ADGB: variants seen among roughly 807,000 people sequenced by gnomAD.
ADGB encodes androglobin, also known as calpain-7-like protein.
ADGB carries 172 observed loss-of-function variants against 210.5 expected under a neutral mutation model. That is an observed-to-expected ratio of 0.82 (90% CI 0.72 to 0.93). The LOEUF (loss-of-function observed/expected upper bound fraction) is 0.93. Among genes scored for constraint, ADGB ranks in the 40% least tolerant of loss-of-function variants. The pLI is 0.00. For synonymous variants in ADGB, 658 were observed against 662.7 expected, an observed-to-expected ratio of 0.99 and a Z score of 0.11; for missense variants, 2,025 against 1,964.8, an observed-to-expected ratio of 1.03 and a Z score of -0.58.
Position 146,691,175 on chromosome 6 carries a change from G to T in ADGB, c.1371G>T (p.Val457=). The part of the protein sequence containing the change: ...YGLSHICSHP[V]LVTRSRSCPL... ...TTTCCCACATCTGTAGCCATCCTGT[G>T]CTGGTGACTAGAAGTAGGTCTTGTC... Residue 457 remains valine, a synonymous_variant, in exon 11 of 36, where the codon GTG becomes GTT. Coordinates refer to ENST00000397944, the MANE Select transcript of ADGB (RefSeq NM_024694.4). 2 of 1,549,632 alleles carry T rather than the reference G, an allele frequency of 1.3e-6. No homozygotes were observed. The highest frequency in any genetic ancestry group is 1.7e-6 in the Non-Finnish European group (2 of 1,146,290).
chr6:146,721,490 T>TG lies in ADGB; in HGVS notation c.2086dup (p.Glu696GlyfsTer20). The TG allele has an allele frequency of 6.5e-7, 1 of 1,547,344 alleles. No individual in the cohort carries two copies. The highest frequency in any genetic ancestry group is 8.7e-7 in the Non-Finnish European group (1 of 1,143,256). ...GGTTTGCTTTTCTGCATTGGTACGC[T>TG]GGGGGGAGTATGGAGGTAAGAGGGC... On this transcript the variant is annotated frameshift_variant, in exon 17 of 36. Coordinates refer to ENST00000397944, the MANE Select transcript of ADGB (RefSeq NM_024694.4). LOFTEE classifies it high-confidence loss of function.
At chr6:146,710,109 C>A (rs1776639013) in intron 13 of ADGB, among the ~76,000 whole-genome samples, 1 of 150,466 alleles carries the variant, frequency 6.6e-6, no homozygotes, top group Non-Finnish European at 1.5e-5. Context: ...ATATAGAAAT[C>A]TCAATCATAT....
intron 12 of ADGB, among the ~76,000 whole-genome samples, chr6:146,700,456 A>G (rs1178869060): frequency 2.0e-5 from 3 of 152,186 alleles, no homozygotes; most frequent in African/African-American, 4.8e-5. Flanking sequence ...ACGTACCTAT[A>G]AAATTCTAGC....
intron 33 of ADGB, among the ~76,000 whole-genome samples, chr6:146,788,939 G>A (rs1429093483): frequency 6.6e-6 from 1 of 152,092 alleles, no homozygotes; most frequent in East Asian, 1.9e-4. Flanking sequence ...AGATTTTTTT[G>A]TGTTATCTGT....
intron 27 of ADGB, among the ~76,000 whole-genome samples, chr6:146,754,160 TTCCAATG>T (rs1777366207): frequency 6.6e-6 from 1 of 151,354 alleles, no homozygotes; most frequent in Admixed American, 6.6e-5. Flanking sequence ...CATTTAGTAT[TTCCAATG>T]TATCTGCATA....
chr6:146,635,233 C>T, intron 1 of ADGB, 142 bp from the exon 2 acceptor site: 2 of 700,580 alleles, frequency 2.9e-6, no homozygotes, highest in Admixed American at 4.3e-5. Flanking sequence ...GTAGAAGTTG[C>T]CTAGCCACAA....
intron 12 of ADGB, among the ~76,000 whole-genome samples, chr6:146,700,445 T>C (rs1776474126): frequency 6.6e-6 from 1 of 152,212 alleles, no homozygotes; most frequent in Non-Finnish European, 1.5e-5. Context: ...AAAATGTCTT[T>C]ACGTACCTAT....
rs544326163 is a variant in ADGB at position 146,693,235 on chromosome 6, C to A, written c.1577+320C>A. ...TTTGGAGGTAAAGCCTCTAAGCAAG[C>A]AATTAAGGTGAAATGAGTGATAAGG... is the stretch of plus-strand genomic sequence containing the variant. On this transcript the variant is annotated intron_variant, in intron 12 of 35. Transcript: ENST00000397944. 8.0e-4 allele frequency among the ~76,000 whole-genome samples: 122 copies of A among 152,162 alleles called. 1 individual carries two copies. The South Asian group carries it at 0.024, about 31-fold the overall frequency.
intron 20 of ADGB, among the ~76,000 whole-genome samples, chr6:146,732,717 A>T (rs1204102057): frequency 6.6e-6 from 1 of 152,222 alleles, no homozygotes; most frequent in African/African-American, 2.4e-5. Flanking sequence ...AAAAACTCTA[A>T]GAAACATATT....
intron 35 of ADGB, among the ~76,000 whole-genome samples, chr6:146,806,409 C>T (rs1778213097): frequency 1.3e-5 from 2 of 152,188 alleles, no homozygotes; most frequent in South Asian, 4.1e-4. Flanking sequence ...CTCTCCTGCT[C>T]ATTCTCTTGC....
chr6:146,634,709 A>G (rs891773540), intron 1 of ADGB, among the ~76,000 whole-genome samples: 3 of 152,066 alleles, frequency 2.0e-5, no homozygotes, highest in African/African-American at 7.2e-5. Context: ...CCTCATTAAA[A>G]TCTATCGTAA....
chr6:146,714,675 C>T (rs1003875973), intron 13 of ADGB, among the ~76,000 whole-genome samples: 3 of 152,134 alleles, frequency 2.0e-5, no homozygotes, highest in Non-Finnish European at 2.9e-5. Flanking sequence ...GTTTTAAGCC[C>T]ATGTCTCATT....
At chr6:146,713,730 C>G (rs1776691256) in intron 13 of ADGB, among the ~76,000 whole-genome samples, 1 of 152,016 alleles carries the variant, frequency 6.6e-6, no homozygotes. Flanking sequence ...CTTTGATGTA[C>G]AGAAGTTTTC....
chr6:146,716,947 AAG>A lies in ADGB; in HGVS notation c.1812_1813del (p.Glu604AspfsTer21). 2 of 1,551,598 alleles carry A rather than the reference AAG, an allele frequency of 1.3e-6. No homozygotes were observed. Among genetic ancestry groups the A allele is most frequent in the Non-Finnish European group, 1.7e-6 (2 of 1,146,924 alleles). On this transcript the variant is annotated frameshift_variant, in exon 15 of 36. Transcript: ENST00000397944. LOFTEE classifies it high-confidence loss of function. ...ATCAGAGTGATGGATTAAACTTGGAAAGAGAGATAGTCAGCCAGACCACAGCA... is the reference window on the plus strand; with the variant it reads ...ATCAGAGTGATGGATTAAACTTGGAAAGAGATAGTCAGCCAGACCACAGCA... ...AHQSDGLNLE[R>X]EIVSQTTATQ...
intron 1 of ADGB, among the ~76,000 whole-genome samples, chr6:146,604,920 T>C (rs1203174350): frequency 6.6e-6 from 1 of 152,106 alleles, no homozygotes; most frequent in African/African-American, 2.4e-5. Flanking sequence ...GAAGAACACT[T>C]CCAACTGGGG....
intron 7 of ADGB, among the ~76,000 whole-genome samples, chr6:146,669,087 T>C (rs1350724406): frequency 6.6e-6 from 1 of 152,146 alleles, no homozygotes; most frequent in East Asian, 1.9e-4. Context: ...AAAGGTCTGT[T>C]CCTATCCTGA....
chr6:146,804,096 G>A (rs1263658527), intron 35 of ADGB, among the ~76,000 whole-genome samples: 3 of 152,098 alleles, frequency 2.0e-5, no homozygotes, highest in African/African-American at 7.2e-5. Flanking sequence ...AAGAATAGGT[G>A]TCCTTTAATT....
chr6:146,739,562 C>T (rs145359815), intron 23 of ADGB, among the ~76,000 whole-genome samples: 16 of 152,268 alleles, frequency 1.1e-4, no homozygotes, highest in African/African-American at 3.9e-4. Flanking sequence ...TCAACAAAAA[C>T]CAATGATAAA....
rs908616639 is a variant in ADGB at position 146,809,458 on chromosome 6, G to C, written c.4819-5574G>C. On this transcript the variant is annotated intron_variant, in intron 35 of 35. Coordinates refer to ENST00000397944, the MANE Select transcript of ADGB (RefSeq NM_024694.4). ...TGACCTCAGGTGATCCACCCCCCTC[G>C]GCCTCCTAAAATGCTGGGATTACAG... Among the ~76,000 whole-genome samples the C allele has an allele frequency of 5.3e-5, 8 of 152,018 alleles. No homozygotes were observed. In the East Asian group the frequency reaches 9.7e-4, roughly 19 times the overall value.
Sources: gnomAD v4.1 joint callset for allele counts (sites outside exome capture counted in the v4.1 genomes callset) on GRCh38, gnomAD v4.1.1 for gene constraint, MANE v1.5 for transcripts, NCBI Gene and HGNC (gene_info 2026-07-23, HGNC 2026-07-21) for gene names.